RANBP2: variants seen among roughly 807,000 people sequenced by gnomAD.
RANBP2 encodes RAN binding protein 2, also known as E3 SUMO-protein ligase RanBP2.
RANBP2 carries 57 observed loss-of-function variants against 303.6 expected under a neutral mutation model. The ratio of observed to expected loss-of-function variants is 0.19; its 90% CI spans 0.15 to 0.23. The LOEUF (loss-of-function observed/expected upper bound fraction) is 0.23. RANBP2 is among the 10% of genes least tolerant of loss of function. RANBP2 has a pLI of 1.00. For missense variants in RANBP2, 3,138 were observed against 3,780.8 expected (o/e 0.83, Z 4.46); for synonymous variants, 1,167 against 1,301.5 (o/e 0.90, Z 2.23).
At chr2:109,423,883 G>A in the RANBP2 span, among the ~76,000 whole-genome samples, 1 of 152,254 alleles carries the variant, frequency 6.6e-6, no homozygotes, top group African/African-American at 2.4e-5. Flanking sequence ...AGAGGGCACA[G>A]CTGGGACCCC....
the RANBP2 span, among the ~76,000 whole-genome samples, chr2:109,393,298 C>T: frequency 2.0e-5 from 3 of 152,186 alleles, no homozygotes; most frequent in Admixed American, 1.3e-4. Flanking sequence ...AGGGTGCTGC[C>T]ATTGGGAAGC....
Position 108,753,258 on chromosome 2 carries a change from T to G in RANBP2, c.1917+99T>G, listed in dbSNP as rs545430686. ...CTGCTTAAATTAATTGCCTTGTTAT[T>G]TAATGGTAATCTTGTTTTCTAAATT... On this transcript the variant is annotated intron_variant, in intron 13 of 28. Coordinates refer to ENST00000283195, the MANE Select transcript of RANBP2 (RefSeq NM_006267.5). 6.2e-4 allele frequency: 995 copies of G among 1,605,836 alleles called. 1 individual carries two copies. The highest frequency in any genetic ancestry group is 9.4e-4 in the South Asian group (84 of 89,556).
At chr2:108,988,394 G>A in the RANBP2 span, among the ~76,000 whole-genome samples, 4 of 152,266 alleles carry the variant, frequency 2.6e-5, no homozygotes, top group African/African-American at 9.6e-5. Context: ...GGCTGGAAAT[G>A]AAAACCTCAA....
the RANBP2 span, among the ~76,000 whole-genome samples, chr2:109,450,270 C>CG: frequency 6.6e-6 from 1 of 151,776 alleles, no homozygotes; most frequent in African/African-American, 2.4e-5. Context: ...CACTGGAAAC[C>CG]GGGGGGCAGA....
chr2:109,059,500 C>A, the RANBP2 span, among the ~76,000 whole-genome samples: 1 of 151,830 alleles, frequency 6.6e-6, no homozygotes, highest in South Asian at 2.1e-4. Context: ...GTGTGAATCC[C>A]GGGAGGCAGA....
At chr2:109,747,427 GT>G in the RANBP2 span, among the ~76,000 whole-genome samples, 5 of 147,562 alleles carry the variant, frequency 3.4e-5, 1 homozygote, top group African/African-American at 1.0e-4. Context: ...TCTAAAAAAT[GT>G]TTTTTTAAAT....
chr2:109,149,765 A>G, the RANBP2 span, among the ~76,000 whole-genome samples: 1 of 152,196 alleles, frequency 6.6e-6, no homozygotes, highest in Non-Finnish European at 1.5e-5. Context: ...TGAGTAAGTG[A>G]CAATTGGAAA....
At chr2:109,157,954 T>C in the RANBP2 span, among the ~76,000 whole-genome samples, 5 of 152,144 alleles carry the variant, frequency 3.3e-5, no homozygotes, top group African/African-American at 1.2e-4. Flanking sequence ...CACTGTTTAG[T>C]GACGAGGGAG....
chr2:109,231,772 A>G, the RANBP2 span, among the ~76,000 whole-genome samples: 1 of 152,238 alleles, frequency 6.6e-6, no homozygotes, highest in Admixed American at 6.5e-5. Flanking sequence ...GTTGTGTTGG[A>G]TCTTCTATTC....
chr2:109,052,599 T>C, the RANBP2 span, among the ~76,000 whole-genome samples: 1 of 152,202 alleles, frequency 6.6e-6, no homozygotes, highest in Non-Finnish European at 1.5e-5. Flanking sequence ...CATTTCAAAA[T>C]ACGAAATGCC....
the RANBP2 span, among the ~76,000 whole-genome samples, chr2:108,917,690 C>T: frequency 6.6e-6 from 1 of 152,096 alleles, no homozygotes; most frequent in South Asian, 2.1e-4. Context: ...TCCCTGGCTG[C>T]AGGGCTGACC....
the RANBP2 span, among the ~76,000 whole-genome samples, chr2:109,084,776 C>T: frequency 6.6e-6 from 1 of 152,148 alleles, no homozygotes; most frequent in Non-Finnish European, 1.5e-5. Context: ...GAAATGACAG[C>T]ATGAACACTG....
the RANBP2 span, chr2:109,567,929 A>C: frequency 6.2e-7 from 1 of 1,613,928 alleles, no homozygotes. Context: ...TCTGTAATTC[A>C]GTTTTAGAAA....
At chr2:109,324,953 T>C in the RANBP2 span, among the ~76,000 whole-genome samples, 1 of 152,344 alleles carries the variant, frequency 6.6e-6, no homozygotes, top group East Asian at 1.9e-4. Context: ...ATGACTAGTA[T>C]AGACAAATAC....
At chr2:108,968,302 G>A in the RANBP2 span, among the ~76,000 whole-genome samples, 1 of 152,206 alleles carries the variant, frequency 6.6e-6, no homozygotes, top group African/African-American at 2.4e-5. Flanking sequence ...CAACATTTAA[G>A]ATGGAATGGT....
chr2:109,353,840 T>G, the RANBP2 span, among the ~76,000 whole-genome samples: 5 of 152,164 alleles, frequency 3.3e-5, no homozygotes, highest in Non-Finnish European at 7.4e-5. Context: ...GGGTGTGATC[T>G]CTGACATCTC....
chr2:108,973,883 A>G, the RANBP2 span, among the ~76,000 whole-genome samples: 1 of 152,382 alleles, frequency 6.6e-6, no homozygotes, highest in East Asian at 1.9e-4. Flanking sequence ...TGAGGATCAC[A>G]GGGTTTTCAG....
chr2:109,028,929 A>G, the RANBP2 span, among the ~76,000 whole-genome samples: 2 of 151,822 alleles, frequency 1.3e-5, no homozygotes, highest in Non-Finnish European at 2.9e-5. Context: ...GTGATTGTTT[A>G]TTTATTTATT....
the RANBP2 span, among the ~76,000 whole-genome samples, chr2:108,999,592 G>C: frequency 2.6e-5 from 4 of 152,132 alleles, no homozygotes; most frequent in African/African-American, 9.7e-5. Flanking sequence ...CACAGTCTTG[G>C]ATATGGCGAC....
Sources: allele counts gnomAD v4.1 joint callset (sites outside exome capture counted in the v4.1 genomes callset), GRCh38; gene constraint gnomAD v4.1.1; transcripts MANE v1.5; gene names NCBI Gene and HGNC (gene_info 2026-07-23, HGNC 2026-07-21).